Variants in SETBP1 observed in about 807,000 individuals in gnomAD.
SETBP1 encodes SET-binding protein.
A neutral mutation model predicts 101.0 loss-of-function variants in SETBP1; 9 were observed. That is an observed-to-expected ratio of 0.09 (90% confidence interval 0.05 to 0.16). The LOEUF (loss-of-function observed/expected upper bound fraction) is 0.16. SETBP1 is among the 10% of genes least tolerant of loss of function. SETBP1 has a pLI of 1.00. For synonymous variants in SETBP1, 818 were observed against 788.5 expected, an observed-to-expected ratio of 1.04 and a Z score of -0.63; for missense variants, 1,858 against 2,033.8, an observed-to-expected ratio of 0.91 and a Z score of 1.66.
chr18:44,881,089 A>G (rs1217487147), intron 3 of SETBP1, among the ~76,000 whole-genome samples: 1 of 152,222 alleles, frequency 6.6e-6, no homozygotes, highest in Non-Finnish European at 1.5e-5. Flanking sequence ...CCTTGGGATC[A>G]TATCAAAAAT....
At chr18:44,784,118 T>C (rs1339650702) in intron 2 of SETBP1, among the ~76,000 whole-genome samples, 1 of 152,204 alleles carries the variant, frequency 6.6e-6, no homozygotes, top group African/African-American at 2.4e-5. Context: ...CTAAAAATTA[T>C]GTTTTGAGAT....
intron 2 of SETBP1, among the ~76,000 whole-genome samples, chr18:44,741,264 C>T (rs545770542): frequency 1.3e-5 from 2 of 152,284 alleles, no homozygotes; most frequent in African/African-American, 4.8e-5. Flanking sequence ...AAGCAGTGTT[C>T]ACTGTGCTCC....
chr18:44,735,197 T>G (rs1036088795), intron 2 of SETBP1, among the ~76,000 whole-genome samples: 11 of 152,254 alleles, frequency 7.2e-5, no homozygotes, highest in African/African-American at 2.7e-4. Flanking sequence ...TGCTTGAAGA[T>G]TCATCTGTGG....
chr18:44,873,112 A>C (rs2069316448), intron 3 of SETBP1, among the ~76,000 whole-genome samples: 1 of 152,246 alleles, frequency 6.6e-6, no homozygotes, highest in Admixed American at 6.5e-5. Flanking sequence ...CACATAGGAA[A>C]ACATGTTTTA....
intron 3 of SETBP1, among the ~76,000 whole-genome samples, chr18:44,940,528 C>CT (rs1442300446): frequency 6.6e-6 from 1 of 151,992 alleles, no homozygotes; most frequent in Non-Finnish European, 1.5e-5. Context: ...AGATATGCAA[C>CT]TTTTTTTAAT....
At chr18:44,954,263 A>G (rs974955125) in intron 4 of SETBP1, among the ~76,000 whole-genome samples, 4 of 149,804 alleles carry the variant, frequency 2.7e-5, no homozygotes, top group Non-Finnish European at 5.9e-5. Flanking sequence ...TAAGACCCCT[A>G]TAAAGACCAG....
chr18:44,884,779 T>TTTTG (rs1312318376), intron 3 of SETBP1, among the ~76,000 whole-genome samples: 1 of 152,172 alleles, frequency 6.6e-6, no homozygotes, highest in Non-Finnish European at 1.5e-5. Flanking sequence ...TCAAAGAGTT[T>TTTTG]TTTGTTTGTT....
At chr18:44,971,475 A>G (rs187997160) in intron 4 of SETBP1, among the ~76,000 whole-genome samples, 2,022 of 152,274 alleles carry the variant, frequency 0.013, 39 homozygotes, top group African/African-American at 0.046. Flanking sequence ...TGGTTGAACT[A>G]GTTTACACTC....
intron 4 of SETBP1, among the ~76,000 whole-genome samples, chr18:44,979,928 T>G (rs932358358): frequency 2.0e-5 from 3 of 152,252 alleles, no homozygotes; most frequent in Non-Finnish European, 4.4e-5. Context: ...TTCATGTGTT[T>G]GAAAACCCAT....
At chr18:44,692,899 T>C (rs2068957798) in intron 1 of SETBP1, among the ~76,000 whole-genome samples, 1 of 152,124 alleles carries the variant, frequency 6.6e-6, no homozygotes, top group Admixed American at 6.5e-5. Context: ...TGCTAGAGCA[T>C]GTGGTAGGTG....
chr18:44,690,030 A>T (rs1293151782), intron 1 of SETBP1, among the ~76,000 whole-genome samples: 1 of 152,188 alleles, frequency 6.6e-6, no homozygotes, highest in Non-Finnish European at 1.5e-5. Flanking sequence ...TCCTGCTGCT[A>T]GGTCCTGTCC....
intron 2 of SETBP1, among the ~76,000 whole-genome samples, chr18:44,803,181 G>A (rs1207570118): frequency 6.6e-6 from 1 of 152,154 alleles, no homozygotes; most frequent in Admixed American, 6.5e-5. Context: ...TCTTCTGAAA[G>A]TGCTGTTCTG....
chr18:45,008,717 C>T (rs1443843056), intron 4 of SETBP1, among the ~76,000 whole-genome samples: 1 of 152,168 alleles, frequency 6.6e-6, no homozygotes, highest in Non-Finnish European at 1.5e-5. Flanking sequence ...CCATGGTTTT[C>T]ATTCTTCTAG....
chr18:44,935,341 A>G (rs1486244630), intron 3 of SETBP1, among the ~76,000 whole-genome samples: 1 of 152,200 alleles, frequency 6.6e-6, no homozygotes, highest in Non-Finnish European at 1.5e-5. Flanking sequence ...AATATAAAGG[A>G]AAAAAGGGAA....
intron 2 of SETBP1, among the ~76,000 whole-genome samples, chr18:44,803,361 C>T (rs778675136): frequency 4.6e-5 from 7 of 152,128 alleles, no homozygotes; most frequent in African/African-American, 1.2e-4. Context: ...GCAGCAGCTG[C>T]CCTAATGGAA....
chr18:44,869,260 G>C lies in SETBP1; in HGVS notation c.517G>C (p.Asp173His). The part of the protein sequence containing the change: ...LLTASDLAAS[D>H]LKGFQPQAYE... ...CACAGCCAGTGACCTTGCAGCCAGT[G>C]ACCTCAAAGGATTTCAGCCACAGGT... The change falls in exon 3 of 6, where the codon GAC becomes CAC. Residue 173 changes from aspartate (D) to histidine (H), a missense_variant. Around this residue, in one of 12 missense-constraint regions of SETBP1, gnomAD observed 581 missense variants for 535.1 expected, o/e 1.09. Coordinates refer to ENST00000649279, the MANE Select transcript of SETBP1 (RefSeq NM_015559.3). The C allele has an allele frequency of 6.2e-7, 1 of 1,614,092 alleles. No individual in the cohort carries two copies. The highest frequency in any genetic ancestry group is 8.5e-7 in the Non-Finnish European group (1 of 1,179,976).
At chr18:44,903,633 CATT>C (rs2070104573) in intron 3 of SETBP1, among the ~76,000 whole-genome samples, 1 of 152,200 alleles carries the variant, frequency 6.6e-6, no homozygotes, top group African/African-American at 2.4e-5. Flanking sequence ...ATACAACTGT[CATT>C]ATTATTGTAA....
intron 3 of SETBP1, among the ~76,000 whole-genome samples, chr18:44,947,236 G>A (rs142265029): frequency 2.6e-3 from 390 of 152,224 alleles, no homozygotes; most frequent in African/African-American, 9.0e-3. Context: ...GTCTCCCTGG[G>A]ATTGAGCTGA....
chr18:44,708,331 A>C lies in SETBP1; in HGVS notation c.486+6499A>C, dbSNP rs138668266. Among the ~76,000 whole-genome samples, 395 of 152,254 alleles carry C rather than the reference A, an allele frequency of 2.6e-3. 2 individuals carry two copies. The highest frequency in any genetic ancestry group is 9.0e-3 in the African/African-American group (372 of 41,562). On this transcript the variant is annotated intron_variant, in intron 2 of 5. Transcript: ENST00000649279. Reference sequence around the variant, plus strand: ...GGTGTTTCAAACTCCTGGGAGTATGAGCTTCTTCCTCCACAACACCCTCAT... The same window carrying C: ...GGTGTTTCAAACTCCTGGGAGTATGCGCTTCTTCCTCCACAACACCCTCAT...
Sources: gnomAD v4.1 joint callset for allele counts (sites outside exome capture counted in the v4.1 genomes callset) on GRCh38, gnomAD v4.1.1 for gene constraint, gnomAD v4.1.1 regional missense constraint, MANE v1.5 for transcripts, NCBI Gene and HGNC (gene_info 2026-07-23, HGNC 2026-07-21) for gene names.